The following PPP6R2 variants were observed in gnomAD, a reference collection of about 807,000 sequenced individuals.
The protein encoded by PPP6R2 is serine/threonine-protein phosphatase 6 regulatory subunit 2.
In PPP6R2, 62 loss-of-function variants were observed where a neutral mutation model predicts 100.2. That is an observed-to-expected ratio of 0.62 (90% CI 0.50 to 0.76). PPP6R2 has a LOEUF of 0.76. PPP6R2 is among the 30% of genes least tolerant of loss of function. The pLI, the probability that PPP6R2 is intolerant of heterozygous loss-of-function variation, is 0.00. For missense variants in PPP6R2, 1,142 were observed against 1,276.3 expected (o/e 0.89, Z 1.60); for synonymous variants, 525 against 514.7 (o/e 1.02, Z -0.27).
chr22:50,416,492 T>G (rs2060557704), intron 6 of PPP6R2, among the ~76,000 whole-genome samples: 1 of 151,386 alleles, frequency 6.6e-6, no homozygotes, highest in Non-Finnish European at 1.5e-5. Context: ...TGTTTTCTTC[T>G]TGTTGTTGTT....
chr22:50,348,413 A>G (rs940292454), intron 1 of PPP6R2, among the ~76,000 whole-genome samples: 2 of 152,156 alleles, frequency 1.3e-5, no homozygotes, highest in East Asian at 1.9e-4. Context: ...TTGTTGGTAG[A>G]TGAGAAGAGA....
intron 1 of PPP6R2, among the ~76,000 whole-genome samples, chr22:50,343,755 CCA>C (rs2042754553): frequency 1.1e-5 from 1 of 89,428 alleles, no homozygotes; most frequent in Non-Finnish European, 2.2e-5. Flanking sequence ...CAGTTCCCCC[CCA>C]GTTAGTGCAC....
At chr22:50,374,444 C>T (rs1234564938) in intron 2 of PPP6R2, among the ~76,000 whole-genome samples, 1 of 152,066 alleles carries the variant, frequency 6.6e-6, no homozygotes, top group African/African-American at 2.4e-5. Context: ...CAAAGTGCAG[C>T]CCTGAGAGAT....
At position 50,443,858 on chromosome 22, in the gene PPP6R2, C is replaced by T. The variant is rs775319051; in HGVS notation, c.2580-8C>T. 17 of 1,566,282 alleles carry T rather than the reference C, an allele frequency of 1.1e-5. No individual in the cohort carries two copies. The highest frequency in any genetic ancestry group is 5.4e-5 in the Admixed American group (3 of 56,000). On this transcript the variant is annotated splice_polypyrimidine_tract_variant and splice_region_variant and intron_variant, in intron 22 of 23. Coordinates refer to ENST00000612753, the MANE Select transcript of PPP6R2 (RefSeq NM_001242898.2). ...TGCCCGTAACCGGAGTCCATGTTTGCCACACAGGGTCGGGTGTGCTGACAG... is the reference window on the plus strand; with the variant it reads ...TGCCCGTAACCGGAGTCCATGTTTGTCACACAGGGTCGGGTGTGCTGACAG...
Position 50,440,992 on chromosome 22 carries a change from C to T in PPP6R2, c.2545C>T (p.Pro849Ser), listed in dbSNP as rs1349131852. 2 of 1,608,716 alleles carry T rather than the reference C, an allele frequency of 1.2e-6. No individual in the cohort carries two copies. The highest frequency in any genetic ancestry group is 1.7e-6 in the Non-Finnish European group (2 of 1,177,524). Reference sequence around the variant, plus strand: ...TCCCGGCCGGGAGGCCCCCCCGCTGCCCACAGTGGCCAGGACAGAGGAGGC... The same window carrying T: ...TCCCGGCCGGGAGGCCCCCCCGCTGTCCACAGTGGCCAGGACAGAGGAGGC... ...RGPGREAPPL[P>S]TVARTEEAVG... The change falls in exon 22 of 24, where the codon CCC becomes TCC. Residue 849 changes from proline (P) to serine (S), a missense_variant. Pro to Ser is a moderately conservative substitution (Grantham distance 74). This residue lies in a region of PPP6R2 where 550 missense variants were observed against 517.4 expected (regional missense o/e 1.06). Coordinates refer to ENST00000612753, the MANE Select transcript of PPP6R2 (RefSeq NM_001242898.2).
At chr22:50,422,171 G>T (rs1180912568) in intron 8 of PPP6R2, 83 bp from the exon 9 acceptor site, 1 of 1,532,412 alleles carries the variant, frequency 6.5e-7, no homozygotes, top group African/African-American at 1.4e-5. Context: ...GCTCTTTCTG[G>T]AAGAAGCGGG....
At chr22:50,366,743 G>C (rs1210266121) in intron 1 of PPP6R2, among the ~76,000 whole-genome samples, 1 of 152,164 alleles carries the variant, frequency 6.6e-6, no homozygotes, top group Non-Finnish European at 1.5e-5. Flanking sequence ...CTGCCCTCTG[G>C]TGTTCTGCCT....
At chr22:50,429,715 A>G (rs2062801671) in intron 10 of PPP6R2, among the ~76,000 whole-genome samples, 1 of 152,190 alleles carries the variant, frequency 6.6e-6, no homozygotes, top group Non-Finnish European at 1.5e-5. Context: ...CATCGCCAGG[A>G]AAGGAAAAAC....
intron 5 of PPP6R2, among the ~76,000 whole-genome samples, 193 bp downstream of exon 5, chr22:50,414,882 C>T (rs1171869652): frequency 1.3e-5 from 2 of 152,256 alleles, no homozygotes; most frequent in Admixed American, 6.5e-5. Context: ...CGACTTAACT[C>T]GCTCAGAAGC....
rs2066654584 is a variant in PPP6R2 at position 50,444,674 on chromosome 22, T to G, written c.*427T>G. ...GAATACAGAAGGAGCCAAGCTTTTT[T>G]GCACTTTGTATCCAGCTGCAAGCTC... On this transcript the variant is annotated 3_prime_UTR_variant, in exon 24 of 24. Coordinates refer to ENST00000612753, the MANE Select transcript of PPP6R2 (RefSeq NM_001242898.2). 1 of 201,916 alleles carries G rather than the reference T, an allele frequency of 5.0e-6. No homozygotes were observed. The highest frequency in any genetic ancestry group is 9.9e-6 in the Non-Finnish European group (1 of 100,850). 12.5% of individuals were successfully genotyped at this position (201,916 alleles called of 1,614,324 possible).
intron 1 of PPP6R2, among the ~76,000 whole-genome samples, chr22:50,351,676 C>A (rs2045299190): frequency 6.6e-6 from 1 of 152,154 alleles, no homozygotes; most frequent in Non-Finnish European, 1.5e-5. Context: ...CTCTGTCACC[C>A]AGGCTGGAGT....
At chr22:50,416,562 C>T (rs1301623087) in intron 6 of PPP6R2, among the ~76,000 whole-genome samples, 1 of 151,920 alleles carries the variant, frequency 6.6e-6, no homozygotes, top group Non-Finnish European at 1.5e-5. Flanking sequence ...AAAACCTGGC[C>T]TCAAGTGATC....
chr22:50,431,511 C>T lies in PPP6R2; in HGVS notation c.1335+129C>T, dbSNP rs750185237. 3.4e-4 allele frequency: 274 copies of T among 814,996 alleles called. No homozygotes were observed. The highest frequency in any genetic ancestry group is 4.9e-4 in the Non-Finnish European group (257 of 523,634). The allele number at this position is 814,996 out of a possible 1,614,324, so 50.5% of individuals were successfully genotyped here. ...GGGGGCAGGGCTTTGAAAAGGGTCCCCAGGTGTCTGGTCAGACGCTCGTAG... is the reference window on the plus strand; with the variant it reads ...GGGGGCAGGGCTTTGAAAAGGGTCCTCAGGTGTCTGGTCAGACGCTCGTAG... On this transcript the variant is annotated intron_variant, in intron 11 of 23. Transcript: ENST00000612753. This position sits in a 1 kb window ranked among gnomAD's most constrained non-coding sequence, Gnocchi z 4.8.
chr22:50,378,834 T>G (rs2052238994), intron 2 of PPP6R2, among the ~76,000 whole-genome samples: 1 of 151,158 alleles, frequency 6.6e-6, no homozygotes, highest in African/African-American at 2.4e-5. Flanking sequence ...GAGCCATGAT[T>G]GCACTGCTGC....
At chr22:50,399,115 C>T (rs2057610425) in intron 3 of PPP6R2, among the ~76,000 whole-genome samples, 1 of 152,052 alleles carries the variant, frequency 6.6e-6, no homozygotes, top group Admixed American at 6.6e-5. Flanking sequence ...GGCGTGGTGG[C>T]CGGTGCCTGT....
intron 3 of PPP6R2, among the ~76,000 whole-genome samples, chr22:50,400,649 G>C (rs1358884636): frequency 6.6e-6 from 1 of 152,200 alleles, no homozygotes; most frequent in East Asian, 1.9e-4. Flanking sequence ...TGAGCCAAGA[G>C]AGTTTCATAG....
rs368128232 is a variant in PPP6R2 at position 50,440,824 on chromosome 22, A to C, written c.2377A>C (p.Ser793Arg). The C allele has an allele frequency of 2.5e-6, 4 of 1,613,196 alleles. No individual in the cohort carries two copies. The Admixed American group carries it at 6.7e-5, about 27-fold the overall frequency. Residue 793 changes from serine to arginine, a missense_variant and splice_region_variant, in exon 22 of 24, where the codon AGC becomes CGC. By Grantham distance (110) the Ser-to-Arg change is moderately radical. Around this residue, in one of 2 missense-constraint regions of PPP6R2, gnomAD observed 550 missense variants for 517.4 expected, o/e 1.06. Coordinates refer to ENST00000612753, the MANE Select transcript of PPP6R2 (RefSeq NM_001242898.2). Reference sequence around the variant, plus strand: ...AGCACAGGCCTCCTACTTTGCAGTCAGCCCGGCTTCTCCATGTGCCTGGAA... The same window carrying C: ...AGCACAGGCCTCCTACTTTGCAGTCCGCCCGGCTTCTCCATGTGCCTGGAA... ...SRSQGPEKAF[S>R]PASPCAWNVC...
chr22:50,338,172 GGTGT>G, the PPP6R2 span, among the ~76,000 whole-genome samples: 1 of 138,070 alleles, frequency 7.2e-6, no homozygotes, highest in Non-Finnish European at 1.6e-5. Context: ...CGATGTGTGA[GGTGT>G]GTGTGTGCTG....
chr22:50,366,396 C>T (rs540105433), intron 1 of PPP6R2, among the ~76,000 whole-genome samples: 1 of 151,712 alleles, frequency 6.6e-6, no homozygotes, highest in African/African-American at 2.4e-5. Context: ...CTGCAGCCTC[C>T]GGGTTCAAGC....
Sources: allele counts gnomAD v4.1 joint callset (sites outside exome capture counted in the v4.1 genomes callset), GRCh38; gene constraint gnomAD v4.1.1; regional missense constraint gnomAD v4.1.1; non-coding constraint Gnocchi (gnomAD v3.1); transcripts MANE v1.5; gene names NCBI Gene and HGNC (gene_info 2026-07-23, HGNC 2026-07-21).